The following CADPS2 variants were observed in gnomAD, a reference collection of about 807,000 sequenced individuals.
CADPS2 encodes calcium dependent secretion activator 2.
CADPS2 carries 93 observed loss-of-function variants against 172.5 expected under a neutral mutation model. That is an observed-to-expected ratio of 0.54 (90% confidence interval 0.46 to 0.64). CADPS2 has a LOEUF of 0.64. Ranked by LOEUF, CADPS2 falls within the 30% of genes least tolerant of loss-of-function variation. CADPS2 has a pLI of 0.00. For missense variants in CADPS2, 1,420 were observed against 1,565.9 expected (o/e 0.91, Z 1.57); for synonymous variants, 546 against 555.2 (o/e 0.98, Z 0.23).
At chr7:122,798,165 C>T (rs998775755) in intron 1 of CADPS2, among the ~76,000 whole-genome samples, 15 of 152,002 alleles carry the variant, frequency 9.9e-5, no homozygotes, top group Non-Finnish European at 1.5e-4. Context: ...AATGAGGTTT[C>T]CCTTTCCTTC....
chr7:122,413,965 C>T, intron 19 of CADPS2, 103 bp downstream of exon 19: 2 of 945,332 alleles, frequency 2.1e-6, no homozygotes, highest in Non-Finnish European at 3.2e-6. Flanking sequence ...AAAGAAAGGA[C>T]TAATTGGCTT....
chr7:122,858,516 G>A (rs990694438), intron 1 of CADPS2, among the ~76,000 whole-genome samples: 3 of 152,100 alleles, frequency 2.0e-5, no homozygotes, highest in Non-Finnish European at 4.4e-5. Flanking sequence ...TACATTCTCT[G>A]AGCAAATACA....
intron 20 of CADPS2, among the ~76,000 whole-genome samples, chr7:122,396,504 T>C (rs2045154185): frequency 1.3e-5 from 2 of 152,208 alleles, no homozygotes; most frequent in African/African-American, 2.4e-5. Context: ...CTAAAGATTA[T>C]AATCCTTTAG....
intron 8 of CADPS2, among the ~76,000 whole-genome samples, chr7:122,541,546 A>AT (rs1448311895): frequency 7.2e-6 from 1 of 138,258 alleles, no homozygotes; most frequent in East Asian, 2.1e-4. Context: ...TTATAATTCC[A>AT]TTTTTCTGTA....
chr7:122,605,526 T>C (rs889531163), intron 6 of CADPS2, among the ~76,000 whole-genome samples: 1 of 152,160 alleles, frequency 6.6e-6, no homozygotes, highest in Non-Finnish European at 1.5e-5. Context: ...ACAATATTTC[T>C]TTTTTCATTG....
intron 1 of CADPS2, among the ~76,000 whole-genome samples, chr7:122,840,752 A>G (rs991265757): frequency 6.6e-6 from 1 of 152,130 alleles, no homozygotes; most frequent in Non-Finnish European, 1.5e-5. Flanking sequence ...GCTGTCTCAA[A>G]AAAGAAGCCC....
chr7:122,815,459 A>G (rs779997899), intron 1 of CADPS2, among the ~76,000 whole-genome samples: 2 of 152,210 alleles, frequency 1.3e-5, no homozygotes, highest in Non-Finnish European at 2.9e-5. Flanking sequence ...ATTTGTAACA[A>G]AAGATCAAAA....
chr7:122,342,036 T>C (rs2036855360), intron 28 of CADPS2, among the ~76,000 whole-genome samples: 1 of 152,184 alleles, frequency 6.6e-6, no homozygotes, highest in South Asian at 2.1e-4. Context: ...TTTGTCCTAA[T>C]GTTAGCTTTT....
chr7:122,568,341 T>C (rs1199969630), intron 7 of CADPS2, among the ~76,000 whole-genome samples: 1 of 152,170 alleles, frequency 6.6e-6, no homozygotes, highest in Non-Finnish European at 1.5e-5. Context: ...AGAAGGTCAT[T>C]TCATAATGAT....
At chr7:122,749,861 T>G (rs1232717768) in intron 1 of CADPS2, among the ~76,000 whole-genome samples, 1 of 151,678 alleles carries the variant, frequency 6.6e-6, no homozygotes, top group Non-Finnish European at 1.5e-5. Context: ...CATAAATACA[T>G]GCTTCAGATT....
At chr7:122,593,793 GA>G (rs1353491747) in intron 6 of CADPS2, among the ~76,000 whole-genome samples, 1 of 151,842 alleles carries the variant, frequency 6.6e-6, no homozygotes, top group East Asian at 1.9e-4. Context: ...AAAGAGAGAG[GA>G]AGAAAAAGAA....
intron 8 of CADPS2, among the ~76,000 whole-genome samples, chr7:122,543,733 T>C (rs866341313): frequency 1.6e-4 from 24 of 152,144 alleles, no homozygotes; most frequent in African/African-American, 5.8e-4. Flanking sequence ...ATATTGTCTC[T>C]TAATCTGAAA....
At chr7:122,567,456 C>A (rs748870242) in intron 7 of CADPS2, among the ~76,000 whole-genome samples, 1 of 152,170 alleles carries the variant, frequency 6.6e-6, no homozygotes, top group Admixed American at 6.5e-5. Context: ...ACACCCCTAC[C>A]AGCTTCCTGA....
intron 6 of CADPS2, among the ~76,000 whole-genome samples, chr7:122,603,269 C>T (rs1223865760): frequency 6.6e-6 from 1 of 151,902 alleles, no homozygotes; most frequent in African/African-American, 2.4e-5. Context: ...AACACCCAAG[C>T]CAAAAATCTC....
intron 24 of CADPS2, among the ~76,000 whole-genome samples, chr7:122,384,620 C>A (rs549370300): frequency 4.6e-5 from 7 of 152,042 alleles, no homozygotes; most frequent in African/African-American, 1.7e-4. Context: ...CAATGAAATT[C>A]TTGTTTACCA....
intron 18 of CADPS2, among the ~76,000 whole-genome samples, chr7:122,414,655 A>G (rs558214245): frequency 1.3e-5 from 2 of 152,210 alleles, no homozygotes; most frequent in African/African-American, 4.8e-5. Context: ...TGCAAGCTAA[A>G]AACTAGATTC....
At chr7:122,703,060 C>A in intron 2 of CADPS2, 1 of 255,746 alleles carries the variant, frequency 3.9e-6, no homozygotes, top group Non-Finnish European at 7.4e-6. Flanking sequence ...TAGTGCATTG[C>A]ATCCTGAAAT....
At chr7:122,878,804 T>C (rs1004248663) in intron 1 of CADPS2, among the ~76,000 whole-genome samples, 1 of 152,180 alleles carries the variant, frequency 6.6e-6, no homozygotes. Context: ...ATTATTTGCT[T>C]GTTTTATTTT....
chr7:122,403,896 A>G (rs575190253), intron 20 of CADPS2, among the ~76,000 whole-genome samples: 3 of 152,276 alleles, frequency 2.0e-5, no homozygotes, highest in African/African-American at 4.8e-5. Flanking sequence ...AATCCACAAC[A>G]TATTTTGTTT....
Sources: allele counts gnomAD v4.1 joint callset (sites outside exome capture counted in the v4.1 genomes callset), GRCh38; gene constraint gnomAD v4.1.1; transcripts MANE v1.5; gene names NCBI Gene and HGNC (gene_info 2026-07-23, HGNC 2026-07-21).